Variants in ADAMTS2 observed in about 807,000 individuals in gnomAD.
The protein encoded by ADAMTS2 is ADAM metallopeptidase with thrombospondin type 1 motif 2.
Under a neutral mutation model 123.0 loss-of-function variants are expected in ADAMTS2, and 50 were observed. The observed-to-expected ratio is 0.41, with a 90% CI of 0.32 to 0.51. The LOEUF (loss-of-function observed/expected upper bound fraction) is 0.51, where lower values mean the gene tolerates loss of function less well. Among genes scored for constraint, ADAMTS2 ranks in the 20% least tolerant of loss-of-function variants. The pLI, the probability that ADAMTS2 is intolerant of heterozygous loss-of-function variation, is 0.35. For missense variants in ADAMTS2, 1,494 were observed against 1,705.2 expected, an observed-to-expected ratio of 0.88 and a Z score of 2.18; for synonymous variants, 678 against 695.4, an observed-to-expected ratio of 0.98 and a Z score of 0.39.
chr5:179,260,298 T>C lies in ADAMTS2; in HGVS notation c.688+12613A>G, dbSNP rs574928668. Among the ~76,000 whole-genome samples the C allele has an allele frequency of 2.0e-5, 3 of 152,198 alleles. No individual in the cohort carries two copies. The highest frequency in any genetic ancestry group is 7.2e-5 in the African/African-American group (3 of 41,456). On this transcript the variant is annotated intron_variant, in intron 3 of 21. Transcript: ENST00000251582. This position sits in a 1 kb window ranked among gnomAD's most constrained non-coding sequence, Gnocchi z 4.2. ...CGGGCTTCCTAGGCACTATGCTTAT[T>C]CTTTCTTTTCACGGATATTTACGCA...
Position 179,132,406 on chromosome 5 carries a change from C to A in ADAMTS2, c.2210-96G>T. On this transcript the variant is annotated intron_variant, in intron 14 of 21. Transcript: ENST00000251582. This position sits in a 1 kb window ranked among gnomAD's most constrained non-coding sequence, Gnocchi z 6.1. ...AGGGGCCTCGCTCTTGAAGGCAGCTCCTCCGGAGGCTCTCCCAGGACCCTG... is the reference window on the plus strand; with the variant it reads ...AGGGGCCTCGCTCTTGAAGGCAGCTACTCCGGAGGCTCTCCCAGGACCCTG... The A allele has an allele frequency of 8.3e-7, 1 of 1,207,214 alleles. No homozygotes were observed. Among genetic ancestry groups the A allele is most frequent in the Non-Finnish European group, 1.2e-6 (1 of 832,912 alleles). The allele number at this position is 1,207,214 out of a possible 1,614,324, so 74.8% of individuals were successfully genotyped here.
intron 4 of ADAMTS2, 38 bp downstream of exon 4, chr5:179,207,475 T>TACCCCCCCCCCC: frequency 3.4e-6 from 2 of 588,616 alleles, no homozygotes; most frequent in Non-Finnish European, 3.2e-6. Flanking sequence ...TGGTTGACCC[T>TACCCCCCCCCCC]CCCCGCCCCA....
intron 3 of ADAMTS2, among the ~76,000 whole-genome samples, chr5:179,238,470 GGT>G (rs1272022239): frequency 2.6e-5 from 4 of 152,166 alleles, no homozygotes; most frequent in Non-Finnish European, 5.9e-5. Context: ...GAGGGCACAG[GGT>G]CTGCGAGTGC....
intron 2 of ADAMTS2, among the ~76,000 whole-genome samples, chr5:179,279,772 G>A (rs949719600): frequency 2.0e-5 from 3 of 152,218 alleles, no homozygotes; most frequent in East Asian, 1.9e-4. Flanking sequence ...GGGAAGTATC[G>A]AGTGGGATTT....
rs35648285 is a variant in ADAMTS2 at position 179,128,767 on chromosome 5, G to A, written c.2458-649C>T. 0.2 allele frequency among the ~76,000 whole-genome samples: 30,932 copies of A among 152,040 alleles called. 3,862 individuals are homozygous for A. Among genetic ancestry groups the A allele is most frequent in the East Asian group, 0.34 (1,748 of 5,168 alleles). On this transcript the variant is annotated intron_variant, in intron 16 of 21. Transcript: ENST00000251582. This position sits in a 1 kb window ranked among gnomAD's most constrained non-coding sequence, Gnocchi z 4.9. The stretch of plus-strand genomic sequence containing the variant: ...ATTAACACTGAACTCACAGTCAATC[G>A]CACTGCAGCCCATGCCTGAACGAAG...
intron 3 of ADAMTS2, among the ~76,000 whole-genome samples, chr5:179,239,062 G>A (rs955528075): frequency 4.6e-5 from 7 of 152,096 alleles, no homozygotes; most frequent in East Asian, 1.9e-4. Context: ...CCATTGAATC[G>A]TACACTTTAA....
At chr5:179,269,031 T>G (rs1766451715) in intron 3 of ADAMTS2, among the ~76,000 whole-genome samples, 1 of 152,156 alleles carries the variant, frequency 6.6e-6, no homozygotes, top group Non-Finnish European at 1.5e-5. Context: ...CCTGGATTAC[T>G]CGGGTGAGTC....
intron 3 of ADAMTS2, among the ~76,000 whole-genome samples, chr5:179,209,962 C>T (rs900515619): frequency 2.0e-5 from 3 of 152,206 alleles, no homozygotes; most frequent in Non-Finnish European, 4.4e-5. Flanking sequence ...CACACACGGG[C>T]GGTGCCCTCG....
At chr5:179,208,714 G>A (rs1023447116) in intron 3 of ADAMTS2, among the ~76,000 whole-genome samples, 8 of 152,190 alleles carry the variant, frequency 5.3e-5, no homozygotes, top group Admixed American at 1.3e-4. Context: ...GGCAGCCCCA[G>A]ACCACACTGC....
At position 179,197,455 on chromosome 5, in the gene ADAMTS2, G is replaced by A. The variant is rs1045353844; in HGVS notation, c.891+10058C>T. ...CTTTTAAAAATGTATCTGTAGCCAG[G>A]CGTGGTGGCTCGTGCCTGTGATCCC... is the stretch of plus-strand genomic sequence containing the variant. On this transcript the variant is annotated intron_variant, in intron 4 of 21. Transcript: ENST00000251582. This position sits in a 1 kb window ranked among gnomAD's most constrained non-coding sequence, Gnocchi z 4.2. 6.6e-6 allele frequency among the ~76,000 whole-genome samples: 1 copy of A among 152,208 alleles called. No individual in the cohort carries two copies. The highest frequency in any genetic ancestry group is 2.4e-5 in the African/African-American group (1 of 41,452).
rs183956907 is a variant in ADAMTS2 at position 179,201,726 on chromosome 5, C to T, written c.891+5787G>A. Among the ~76,000 whole-genome samples, 850 of 151,452 alleles carry T rather than the reference C, an allele frequency of 5.6e-3. 11 individuals are homozygous for T. The highest frequency in any genetic ancestry group is 0.02 in the African/African-American group (805 of 41,208). ...CTGAGGCAGGAGAATCGTTTGAACT[C>T]GGGAGGAAGAGGTTGCAGTGAGCCA... On this transcript the variant is annotated intron_variant, in intron 4 of 21. Coordinates refer to ENST00000251582, the MANE Select transcript of ADAMTS2 (RefSeq NM_014244.5).
In ADAMTS2 at chr5:179,217,629, G is replaced by C. The variant is rs553027047; in HGVS notation, c.689-9914C>G. 2.6e-5 allele frequency among the ~76,000 whole-genome samples: 4 copies of C among 151,290 alleles called. No homozygotes were observed. In the South Asian group the frequency reaches 8.5e-4, roughly 32 times the overall value. ...ATCATCTTGCTGTTGGGCGGGCTTT[G>C]GGTTCCAAGCCTAGGGCTCTTTCCC... On this transcript the variant is annotated intron_variant, in intron 3 of 21. Coordinates refer to ENST00000251582, the MANE Select transcript of ADAMTS2 (RefSeq NM_014244.5).
At chr5:179,337,529 T>A (rs1757648138) in intron 2 of ADAMTS2, among the ~76,000 whole-genome samples, 1 of 152,072 alleles carries the variant, frequency 6.6e-6, no homozygotes, top group South Asian at 2.1e-4. Flanking sequence ...CACGCACACG[T>A]CCACATGCAG....
chr5:179,136,100 G>A (rs939990716), intron 12 of ADAMTS2, 58 bp from the exon 13 acceptor site: 22 of 1,612,404 alleles, frequency 1.4e-5, no homozygotes, highest in Non-Finnish European at 1.8e-5. Context: ...CCATGTGTGT[G>A]CAAAGGAGGC....
rs1763803227 is a variant in ADAMTS2 at position 179,170,932 on chromosome 5, TC to T, written c.975+10139del. Among the ~76,000 whole-genome samples, 1 of 152,046 alleles carries T rather than the reference TC, an allele frequency of 6.6e-6. No individual in the cohort carries two copies. Reference sequence around the variant, plus strand: ...ACCTCAGAGACCTGAAAACAGGGCCTCCCCCAGTGCTATGCAAAGTGAAGTC... The same window carrying T: ...ACCTCAGAGACCTGAAAACAGGGCCTCCCCAGTGCTATGCAAAGTGAAGTC... On this transcript the variant is annotated intron_variant, in intron 5 of 21. Transcript: ENST00000251582. This position sits in a 1 kb window ranked among gnomAD's most constrained non-coding sequence, Gnocchi z 4.3.
intron 4 of ADAMTS2, among the ~76,000 whole-genome samples, chr5:179,194,121 G>A (rs905948653): frequency 1.9e-4 from 29 of 152,224 alleles, no homozygotes; most frequent in African/African-American, 7.0e-4. Flanking sequence ...GGGAGGCCAA[G>A]GACAGGATGC....
intron 2 of ADAMTS2, among the ~76,000 whole-genome samples, chr5:179,288,688 G>A (rs893792759): frequency 6.6e-6 from 1 of 152,248 alleles, no homozygotes; most frequent in Non-Finnish European, 1.5e-5. Context: ...AGCGAGGCCA[G>A]CAATGACCAA....
intron 3 of ADAMTS2, among the ~76,000 whole-genome samples, chr5:179,245,780 A>C (rs1466602003): frequency 5.3e-5 from 7 of 131,952 alleles, no homozygotes; most frequent in East Asian, 2.0e-4. Flanking sequence ...AAAAAAAAAA[A>C]AAAAAAAAAA....
intron 3 of ADAMTS2, among the ~76,000 whole-genome samples, chr5:179,236,046 C>T (rs1210531000): frequency 6.6e-6 from 1 of 152,208 alleles, no homozygotes; most frequent in African/African-American, 2.4e-5. Context: ...AGCCTCAAAG[C>T]CTCTTGGCAC....
Sources: allele counts gnomAD v4.1 joint callset (sites outside exome capture counted in the v4.1 genomes callset), GRCh38; gene constraint gnomAD v4.1.1; non-coding constraint Gnocchi (gnomAD v3.1); transcripts MANE v1.5; gene names NCBI Gene and HGNC (gene_info 2026-07-23, HGNC 2026-07-21).